Variants in ITGBL1 observed in about 807,000 individuals in gnomAD.
The protein encoded by ITGBL1 is integrin subunit beta like 1.
A neutral mutation model predicts 68.5 loss-of-function variants in ITGBL1; 51 were observed. The ratio of observed to expected loss-of-function variants is 0.74; its 90% confidence interval spans 0.59 to 0.94. The LOEUF is 0.94. ITGBL1 is among the 40% of genes least tolerant of loss of function. The probability of loss-of-function intolerance (pLI) is 0.00; values close to 1 mark genes in which losing one functional copy is unlikely to be tolerated. For synonymous variants in ITGBL1, 209 were observed against 227.3 expected (o/e 0.92, Z 0.72); for missense variants, 649 against 647.4 (o/e 1.00, Z -0.03).
At chr13:101,497,166 T>G (rs1054043298) in intron 2 of ITGBL1, among the ~76,000 whole-genome samples, 2 of 152,260 alleles carry the variant, frequency 1.3e-5, no homozygotes, top group African/African-American at 4.8e-5. Flanking sequence ...AGAAGTAGCC[T>G]TCTGGCTCTG....
At chr13:101,589,738 G>A (rs1419321076) in intron 6 of ITGBL1, among the ~76,000 whole-genome samples, 3 of 152,156 alleles carry the variant, frequency 2.0e-5, no homozygotes, top group Non-Finnish European at 4.4e-5. Flanking sequence ...TTATTGAGGA[G>A]TCATCACACA....
intron 2 of ITGBL1, among the ~76,000 whole-genome samples, chr13:101,500,013 C>T (rs865836546): frequency 6.6e-6 from 1 of 152,170 alleles, no homozygotes; most frequent in African/African-American, 2.4e-5. Context: ...TGCCTTCCCC[C>T]ACTGAAGGCC....
rs867354636 is a variant in ITGBL1, at chr13:101,708,070, T to C, written c.1279+1168T>C. On this transcript the variant is annotated intron_variant, in intron 9 of 10. Coordinates refer to ENST00000376180, the MANE Select transcript of ITGBL1 (RefSeq NM_004791.3). Reference sequence around the variant, plus strand: ...ACACACACACACACACACACACACATACACACAAATTGGAAGAGGATTCCC... The same window carrying C: ...ACACACACACACACACACACACACACACACACAAATTGGAAGAGGATTCCC... Among the ~76,000 whole-genome samples, 228 of 124,394 alleles carry C rather than the reference T, an allele frequency of 1.8e-3. 2 individuals carry two copies. Among genetic ancestry groups the C allele is most frequent in the Middle Eastern group, 4.2e-3 (1 of 238 alleles). 81.6% of individuals were successfully genotyped at this position (124,394 alleles called of 152,430 possible).
chr13:101,588,223 C>T (rs750969148), intron 6 of ITGBL1, among the ~76,000 whole-genome samples: 2 of 151,866 alleles, frequency 1.3e-5, no homozygotes, highest in African/African-American at 2.4e-5. Context: ...TCTTCCTTTT[C>T]GTATGGGTAT....
At chr13:101,590,519 A>G (rs1422339360) in intron 6 of ITGBL1, among the ~76,000 whole-genome samples, 1 of 152,104 alleles carries the variant, frequency 6.6e-6, no homozygotes, top group East Asian at 1.9e-4. Context: ...CATCGGCTAG[A>G]TGTATTGTTC....
intron 2 of ITGBL1, among the ~76,000 whole-genome samples, chr13:101,535,166 A>T (rs543518261): frequency 2.8e-4 from 43 of 152,096 alleles, no homozygotes; most frequent in Non-Finnish European, 5.6e-4. Context: ...CAATATATCT[A>T]CGTGGTGATA....
chr13:101,505,895 G>A (rs1038893171), intron 2 of ITGBL1, among the ~76,000 whole-genome samples: 3 of 152,186 alleles, frequency 2.0e-5, no homozygotes, highest in Non-Finnish European at 2.9e-5. Context: ...GAGAAGAAGC[G>A]GAGCTTGCTG....
At chr13:101,546,035 C>G (rs896997627) in intron 2 of ITGBL1, among the ~76,000 whole-genome samples, 16 of 152,178 alleles carry the variant, frequency 1.1e-4, no homozygotes, top group Non-Finnish European at 1.9e-4. Context: ...ATAGATGAAT[C>G]TTACAATATT....
intron 7 of ITGBL1, among the ~76,000 whole-genome samples, chr13:101,628,308 G>A (rs1327116194): frequency 6.6e-6 from 1 of 151,942 alleles, no homozygotes; most frequent in Non-Finnish European, 1.5e-5. Context: ...TTATTGTTGA[G>A]TTTTAGGAGT....
intron 8 of ITGBL1, among the ~76,000 whole-genome samples, chr13:101,702,803 A>T (rs2034165475): frequency 6.6e-6 from 1 of 152,182 alleles, no homozygotes; most frequent in African/African-American, 2.4e-5. Context: ...TCAAAGATGG[A>T]CAACTTTTTA....
At chr13:101,623,409 T>C (rs2031661924) in intron 7 of ITGBL1, among the ~76,000 whole-genome samples, 2 of 152,170 alleles carry the variant, frequency 1.3e-5, no homozygotes, top group African/African-American at 4.8e-5. Context: ...TGTACTGAAA[T>C]TAGTTTCTTA....
intron 2 of ITGBL1, among the ~76,000 whole-genome samples, chr13:101,516,067 A>G (rs910664486): frequency 6.6e-5 from 10 of 152,062 alleles, no homozygotes; most frequent in African/African-American, 2.4e-4. Context: ...TTTTTTATCC[A>G]TTATGTTATT....
chr13:101,686,668 G>T (rs2033761643), intron 7 of ITGBL1, among the ~76,000 whole-genome samples: 1 of 151,580 alleles, frequency 6.6e-6, no homozygotes, highest in African/African-American at 2.4e-5. Flanking sequence ...ATGAGATAAT[G>T]TGGATTATGT....
intron 7 of ITGBL1, among the ~76,000 whole-genome samples, chr13:101,657,973 G>A (rs533731738): frequency 1.1e-4 from 16 of 152,254 alleles, no homozygotes; most frequent in African/African-American, 3.9e-4. Context: ...GACTTCTGTA[G>A]GAAGATAGAT....
chr13:101,600,106 A>G (rs1004988245), intron 7 of ITGBL1, among the ~76,000 whole-genome samples: 1 of 152,064 alleles, frequency 6.6e-6, no homozygotes, highest in African/African-American at 2.4e-5. Context: ...ATGCTCTTTT[A>G]TTTCATTGAG....
At chr13:101,636,309 C>A (rs1390364374) in intron 7 of ITGBL1, among the ~76,000 whole-genome samples, 1 of 152,092 alleles carries the variant, frequency 6.6e-6, no homozygotes, top group Non-Finnish European at 1.5e-5. Context: ...CCAAGAGTCA[C>A]CTATTCCTTT....
At chr13:101,522,066 G>C (rs778128609) in intron 2 of ITGBL1, among the ~76,000 whole-genome samples, 2 of 151,988 alleles carry the variant, frequency 1.3e-5, no homozygotes, top group Admixed American at 6.6e-5. Flanking sequence ...AGAAGAGAAA[G>C]AGATTGAGTG....
At chr13:101,691,304 A>G (rs776923261) in intron 7 of ITGBL1, among the ~76,000 whole-genome samples, 2 of 152,202 alleles carry the variant, frequency 1.3e-5, no homozygotes, top group Non-Finnish European at 2.9e-5. Context: ...GTCTTTCACC[A>G]GATTCTCAAA....
intron 7 of ITGBL1, among the ~76,000 whole-genome samples, chr13:101,605,482 A>G (rs767075530): frequency 7.7e-6 from 1 of 129,726 alleles, no homozygotes; most frequent in Non-Finnish European, 1.6e-5. Flanking sequence ...ATGCGTATAT[A>G]TACACATATA....
Sources: allele counts gnomAD v4.1 joint callset (sites outside exome capture counted in the v4.1 genomes callset), GRCh38; gene constraint gnomAD v4.1.1; transcripts MANE v1.5; gene names NCBI Gene and HGNC (gene_info 2026-07-23, HGNC 2026-07-21).